The following TULP4 variants were observed in gnomAD, a reference collection of about 807,000 sequenced individuals.
TULP4 encodes the protein tubby-related protein 4.
TULP4 carries 16 observed loss-of-function variants against 129.0 expected under a neutral mutation model. The ratio of observed to expected loss-of-function variants is 0.12; its 90% confidence interval spans 0.08 to 0.19. The LOEUF is 0.19. TULP4 is among the 10% of genes least tolerant of loss of function. TULP4 has a pLI of 1.00. For synonymous variants in TULP4, 998 were observed against 854.0 expected (o/e 1.17, Z -2.94); for missense variants, 1,842 against 2,059.1 (o/e 0.89, Z 2.04).
chr6:158,450,898 T>C (rs1779149387), intron 4 of TULP4, among the ~76,000 whole-genome samples: 2 of 150,686 alleles, frequency 1.3e-5, no homozygotes, highest in Admixed American at 1.3e-4. Flanking sequence ...CTACTAAAAA[T>C]ACAAAAGAAA....
At chr6:158,397,521 A>AT (rs990138409) in intron 1 of TULP4, among the ~76,000 whole-genome samples, 86 of 144,044 alleles carry the variant, frequency 6.0e-4, no homozygotes, top group East Asian at 6.1e-4. Flanking sequence ...TTTTTTTGCA[A>AT]TTTTTTTTTT....
chr6:158,317,266 A>G (rs1250715952), intron 1 of TULP4, among the ~76,000 whole-genome samples: 1 of 151,942 alleles, frequency 6.6e-6, no homozygotes, highest in Non-Finnish European at 1.5e-5. Flanking sequence ...TGCTGCACCC[A>G]TTAACTCATC....
chr6:158,420,030 A>G (rs1390173855), intron 2 of TULP4, among the ~76,000 whole-genome samples: 1 of 152,228 alleles, frequency 6.6e-6, no homozygotes, highest in East Asian at 1.9e-4. Flanking sequence ...ATCATATTCT[A>G]GGGCAGGATT....
chr6:158,296,007 T>G (rs1779023604), intron 1 of TULP4, among the ~76,000 whole-genome samples: 1 of 152,256 alleles, frequency 6.6e-6, no homozygotes, highest in Admixed American at 6.5e-5. Context: ...TATTTTTTCT[T>G]TTTAATTTTT....
At chr6:158,338,101 G>C (rs1480827794) in intron 1 of TULP4, among the ~76,000 whole-genome samples, 2 of 152,126 alleles carry the variant, frequency 1.3e-5, no homozygotes, top group African/African-American at 4.8e-5. Context: ...AGTCTTCAGA[G>C]CACCTGATGG....
chr6:158,361,832 T>G (rs1780797378), intron 1 of TULP4, among the ~76,000 whole-genome samples: 1 of 152,200 alleles, frequency 6.6e-6, no homozygotes, highest in Admixed American at 6.5e-5. Context: ...AAAGAGTGTA[T>G]ATTGGTTTAA....
intron 3 of TULP4, among the ~76,000 whole-genome samples, chr6:158,443,855 T>G (rs1778954232): frequency 6.6e-6 from 1 of 152,134 alleles, no homozygotes. Context: ...TTTATTTAGT[T>G]GCAAAATATT....
chr6:158,442,246 A>G (rs1778913473), intron 3 of TULP4, among the ~76,000 whole-genome samples: 1 of 152,206 alleles, frequency 6.6e-6, no homozygotes, highest in Admixed American at 6.5e-5. Context: ...TGAGAAGTTT[A>G]TCAGTAGCCA....
chr6:158,344,457 A>T (rs183230022), intron 1 of TULP4, among the ~76,000 whole-genome samples: 116 of 152,290 alleles, frequency 7.6e-4, no homozygotes, highest in African/African-American at 2.7e-3. Context: ...CATGTTTTCA[A>T]CAGCGTATAT....
rs1366287625 is a variant in TULP4, at chr6:158,493,567, C to T, written c.1632-6C>T. ...TGCCTGACCCCTCCTGGCCTTGCCTCCCCAGGATCAGCATTGAGGCCCGCA... is the reference window on the plus strand; with the variant it reads ...TGCCTGACCCCTCCTGGCCTTGCCTTCCCAGGATCAGCATTGAGGCCCGCA... On this transcript the variant is annotated splice_polypyrimidine_tract_variant and splice_region_variant and intron_variant, in intron 9 of 13. Coordinates refer to ENST00000367097, the MANE Select transcript of TULP4 (RefSeq NM_020245.5). This position sits in a 1 kb window ranked among gnomAD's most constrained non-coding sequence, Gnocchi z 4.4. The T allele has an allele frequency of 4.0e-6, 6 of 1,499,342 alleles. No homozygotes were observed. Among genetic ancestry groups the T allele is most frequent in the African/African-American group, 1.4e-5 (1 of 69,568 alleles). The allele number at this position is 1,499,342 out of a possible 1,614,324, so 92.9% of individuals were successfully genotyped here.
At chr6:158,437,598 T>C (rs1267396195) in intron 3 of TULP4, among the ~76,000 whole-genome samples, 3 of 152,138 alleles carry the variant, frequency 2.0e-5, no homozygotes, top group Non-Finnish European at 4.4e-5. Context: ...ATAATTAGTA[T>C]GCAGATGTCT....
At chr6:158,296,377 C>T (rs1391817392) in intron 1 of TULP4, among the ~76,000 whole-genome samples, 2 of 152,032 alleles carry the variant, frequency 1.3e-5, no homozygotes, top group Admixed American at 1.3e-4. Flanking sequence ...AAGAATTTTA[C>T]AGCTGGGCCG....
intron 1 of TULP4, among the ~76,000 whole-genome samples, chr6:158,253,139 C>T (rs1389594551): frequency 6.6e-6 from 1 of 152,206 alleles, no homozygotes; most frequent in African/African-American, 2.4e-5. Context: ...AGATGTTTTG[C>T]TCTCACTCTG....
intron 1 of TULP4, among the ~76,000 whole-genome samples, chr6:158,360,305 A>G (rs1163289836): frequency 6.6e-6 from 1 of 151,998 alleles, no homozygotes; most frequent in African/African-American, 2.4e-5. Flanking sequence ...TCTGTCCATC[A>G]TGGAGGGTTT....
chr6:158,333,619 A>G (rs1779964742), intron 1 of TULP4, among the ~76,000 whole-genome samples: 1 of 70,564 alleles, frequency 1.4e-5, no homozygotes, highest in Middle Eastern at 6.5e-3. Flanking sequence ...GTGTGAGTCT[A>G]CTTATTCTCA....
In TULP4 at chr6:158,372,141, T is replaced by TA. The variant is rs1562539479; in HGVS notation, c.253-40924_253-40923insA. On this transcript the variant is annotated intron_variant, in intron 1 of 13. Transcript: ENST00000367097. The stretch of plus-strand genomic sequence containing the variant: ...TTTTCTAGTTTTTTTTTTTTTTTTT[T>TA]TAATACAATTCCATTCTATCTGCTT... Among the ~76,000 whole-genome samples, 324 of 71,076 alleles carry TA rather than the reference T, an allele frequency of 4.6e-3. 4 individuals are homozygous for TA. Among genetic ancestry groups the TA allele is most frequent in the African/African-American group, 0.018 (312 of 17,508 alleles). The allele number at this position is 71,076 out of a possible 152,430, so 46.6% of individuals were successfully genotyped here.
intron 1 of TULP4, among the ~76,000 whole-genome samples, chr6:158,273,627 A>G (rs1243795421): frequency 6.6e-6 from 1 of 152,182 alleles, no homozygotes; most frequent in Non-Finnish European, 1.5e-5. Context: ...CTTCAGCTCA[A>G]TTACTGCCAC....
intron 1 of TULP4, among the ~76,000 whole-genome samples, chr6:158,304,109 T>A (rs1356539195): frequency 6.6e-6 from 1 of 152,084 alleles, no homozygotes; most frequent in Non-Finnish European, 1.5e-5. Context: ...ATTAATAATA[T>A]TAATAGCTGT....
chr6:158,252,789 T>C (rs1778167677), intron 1 of TULP4, among the ~76,000 whole-genome samples: 1 of 152,180 alleles, frequency 6.6e-6, no homozygotes, highest in African/African-American at 2.4e-5. Context: ...TTTTTCCCCT[T>C]ATCAGAATGG....
Sources: allele counts gnomAD v4.1 joint callset (sites outside exome capture counted in the v4.1 genomes callset), GRCh38; gene constraint gnomAD v4.1.1; non-coding constraint Gnocchi (gnomAD v3.1); transcripts MANE v1.5; gene names NCBI Gene and HGNC (gene_info 2026-07-23, HGNC 2026-07-21).